Variants in AGBL1 observed in about 807,000 individuals in gnomAD.
The protein encoded by AGBL1 is AGBL carboxypeptidase 1.
Under a neutral mutation model 118.9 loss-of-function variants are expected in AGBL1, and 130 were observed. The observed-to-expected ratio is 1.09, with a 90% CI of 0.95 to 1.26. The LOEUF is 1.26. Ranked by LOEUF, AGBL1 falls within the 50% of genes most tolerant of loss-of-function variation. The probability of loss-of-function intolerance (pLI) is 0.00; values close to 1 mark genes in which losing one functional copy is unlikely to be tolerated. For synonymous variants in AGBL1, 555 were observed against 478.9 expected, an observed-to-expected ratio of 1.16 and a Z score of -2.08; for missense variants, 1,584 against 1,298.1, an observed-to-expected ratio of 1.22 and a Z score of -3.38.
At chr15:86,332,339 T>C (rs917883354) in intron 17 of AGBL1, among the ~76,000 whole-genome samples, 2 of 152,070 alleles carry the variant, frequency 1.3e-5, no homozygotes, top group African/African-American at 2.4e-5. Flanking sequence ...TGTTAGATCA[T>C]TGATGCAGAA....
At chr15:86,959,037 T>A (rs2080962262) in intron 23 of AGBL1, among the ~76,000 whole-genome samples, 1 of 152,060 alleles carries the variant, frequency 6.6e-6, no homozygotes, top group African/African-American at 2.4e-5. Flanking sequence ...GTACACAGAA[T>A]CCTGAGAGAA....
At chr15:86,543,732 G>A (rs1358109131) in intron 19 of AGBL1, among the ~76,000 whole-genome samples, 2 of 152,194 alleles carry the variant, frequency 1.3e-5, no homozygotes, top group Non-Finnish European at 2.9e-5. Context: ...TCAACCAACT[G>A]GCCCTACCCA....
chr15:86,441,820 A>G (rs931549715), intron 18 of AGBL1, among the ~76,000 whole-genome samples: 6 of 152,222 alleles, frequency 3.9e-5, no homozygotes, highest in African/African-American at 1.4e-4. Context: ...CAGGGAAGAG[A>G]CAAGTCCAGC....
intron 23 of AGBL1, among the ~76,000 whole-genome samples, chr15:86,967,525 G>A (rs1281697677): frequency 6.6e-6 from 1 of 152,140 alleles, no homozygotes; most frequent in African/African-American, 2.4e-5. Flanking sequence ...AAGGGATCCA[G>A]TTTCAGCTTT....
intron 22 of AGBL1, among the ~76,000 whole-genome samples, chr15:86,833,016 G>T (rs1462722717): frequency 2.6e-5 from 4 of 152,136 alleles, no homozygotes; most frequent in African/African-American, 9.6e-5. Flanking sequence ...TTACAAGGCA[G>T]CAGGCAAGGG....
Position 86,080,019 on chromosome 15 carries a change from T to G in AGBL1, c.47T>G (p.Leu16Arg). 8.1e-7 allele frequency: 1 copy of G among 1,232,128 alleles called. No homozygotes were observed. Among genetic ancestry groups the G allele is most frequent in the Non-Finnish European group, 1.0e-6 (1 of 988,006 alleles). The allele number at this position is 1,232,128 out of a possible 1,614,324, so 76.3% of individuals were successfully genotyped here. A position where few individuals can be genotyped will look rare whatever the true frequency, so the allele number is the denominator to read the frequency against. Residue 16 changes from leucine to arginine, a missense_variant, in exon 1 of 23, where the codon CTT becomes CGT. Transcript: ENST00000614907. The stretch of plus-strand genomic sequence containing the variant: ...GGGCTACAGGTCCTGCTGCACACGC[T>G]TCAGGTAGGAAAGGGTAGAGTGGGT... ...ASGLQVLLHTLQSSSDKESIL... is the reference protein window; with the variant it reads ...ASGLQVLLHTRQSSSDKESIL...
chr15:86,410,853 T>A (rs1315623370), intron 18 of AGBL1, among the ~76,000 whole-genome samples: 28 of 71,080 alleles, frequency 3.9e-4, no homozygotes, highest in South Asian at 1.9e-3. Flanking sequence ...ATATACTATT[T>A]TATATATAAA....
chr15:86,284,726 G>A (rs2141734783), intron 16 of AGBL1, among the ~76,000 whole-genome samples: 1 of 152,250 alleles, frequency 6.6e-6, no homozygotes, highest in East Asian at 1.9e-4. Context: ...TGAGTGCATA[G>A]TGCTTCTCAC....
chr15:86,308,129 A>G (rs1567191231), intron 17 of AGBL1, among the ~76,000 whole-genome samples: 1 of 152,208 alleles, frequency 6.6e-6, no homozygotes, highest in Non-Finnish European at 1.5e-5. Flanking sequence ...TTAAAGATTA[A>G]ACTATGTTAA....
At chr15:86,224,501 T>A (rs1199394399) in intron 5 of AGBL1, among the ~76,000 whole-genome samples, 2 of 152,036 alleles carry the variant, frequency 1.3e-5, no homozygotes, top group Non-Finnish European at 2.9e-5. Context: ...GCTGCTACAT[T>A]CACTAAGCCC....
At chr15:86,517,742 G>C (rs1393258972) in intron 18 of AGBL1, among the ~76,000 whole-genome samples, 2 of 152,172 alleles carry the variant, frequency 1.3e-5, no homozygotes, top group Non-Finnish European at 2.9e-5. Context: ...AACCCTGGTT[G>C]TTTTGAGCTT....
chr15:86,543,889 G>C (rs750579401), intron 19 of AGBL1, among the ~76,000 whole-genome samples: 4 of 152,204 alleles, frequency 2.6e-5, no homozygotes, highest in Non-Finnish European at 5.9e-5. Flanking sequence ...GTAGGTAGAT[G>C]AACAGAAAAC....
intron 18 of AGBL1, among the ~76,000 whole-genome samples, chr15:86,465,743 C>T (rs1428774093): frequency 1.3e-5 from 2 of 152,166 alleles, no homozygotes; most frequent in Non-Finnish European, 2.9e-5. Context: ...GACTGGTTGT[C>T]TGTTCTCAAA....
intron 17 of AGBL1, among the ~76,000 whole-genome samples, chr15:86,365,368 C>G (rs2080871564): frequency 1.3e-5 from 2 of 152,096 alleles, no homozygotes; most frequent in Non-Finnish European, 2.9e-5. Flanking sequence ...CTGAATTCTT[C>G]TGATCCTAAC....
chr15:86,972,286 A>T (rs758104668), intron 23 of AGBL1, among the ~76,000 whole-genome samples: 1 of 151,944 alleles, frequency 6.6e-6, no homozygotes, highest in African/African-American at 2.4e-5. Flanking sequence ...AGTTTCACAG[A>T]TACAACATTT....
At chr15:86,876,494 C>A (rs192878378) in intron 22 of AGBL1, among the ~76,000 whole-genome samples, 1 of 152,126 alleles carries the variant, frequency 6.6e-6, no homozygotes, top group Non-Finnish European at 1.5e-5. Context: ...CCCTCTCCTG[C>A]GGGAACAAGT....
At position 86,582,447 on chromosome 15, in the gene AGBL1, G is replaced by A. The variant is rs535487186; in HGVS notation, c.2994+27910G>A. 5.9e-5 allele frequency among the ~76,000 whole-genome samples: 9 copies of A among 152,168 alleles called. No homozygotes were observed. In the South Asian group the frequency reaches 1.2e-3, roughly 21 times the overall value. The stretch of plus-strand genomic sequence containing the variant: ...TGGGAGTTCAACCATTGTGGAAGTC[G>A]GTGTGGTGATTCCTCAGGGATCTAG... On this transcript the variant is annotated intron_variant, in intron 21 of 22. Transcript: ENST00000614907.
chr15:86,276,258 T>C (rs920010469), intron 15 of AGBL1, among the ~76,000 whole-genome samples: 2 of 152,220 alleles, frequency 1.3e-5, no homozygotes, highest in Non-Finnish European at 2.9e-5. Context: ...ATAAGACATC[T>C]TGTCCTTTTT....
intron 18 of AGBL1, among the ~76,000 whole-genome samples, chr15:86,433,635 C>T (rs985037120): frequency 6.6e-6 from 1 of 152,142 alleles, no homozygotes; most frequent in African/African-American, 2.4e-5. Flanking sequence ...AGAACTCTGG[C>T]ATGCACTGTG....
Sources: allele counts gnomAD v4.1 joint callset (sites outside exome capture counted in the v4.1 genomes callset), GRCh38; gene constraint gnomAD v4.1.1; transcripts MANE v1.5; gene names NCBI Gene and HGNC (gene_info 2026-07-23, HGNC 2026-07-21).